Variants in MARCHF1 observed in about 807,000 individuals in gnomAD.
MARCHF1 encodes the protein membrane associated ring-CH-type finger 1.
Under a neutral mutation model 54.2 loss-of-function variants are expected in MARCHF1, and 40 were observed. The observed-to-expected ratio is 0.74, with a 90% CI of 0.57 to 0.96. The LOEUF is 0.96. Among genes scored for constraint, MARCHF1 ranks in the 40% least tolerant of loss-of-function variants. MARCHF1 has a pLI of 0.00. For synonymous variants in MARCHF1, 236 were observed against 236.3 expected, an observed-to-expected ratio of 1.00 and a Z score of 0.01; for missense variants, 586 against 656.5, an observed-to-expected ratio of 0.89 and a Z score of 1.17.
intron 1 of MARCHF1, among the ~76,000 whole-genome samples, chr4:164,369,603 G>A (rs868235065): frequency 2.0e-5 from 3 of 151,990 alleles, no homozygotes; most frequent in South Asian, 2.1e-4. Context: ...ATATACATAT[G>A]TACATATGTA....
At chr4:163,930,473 A>T (rs1215675992) in intron 3 of MARCHF1, among the ~76,000 whole-genome samples, 3 of 145,502 alleles carry the variant, frequency 2.1e-5, no homozygotes, top group Non-Finnish European at 4.5e-5. Context: ...GCCTTTGAAA[A>T]TGGTGTTTTT....
At chr4:163,719,738 T>C (rs1745383460) in intron 4 of MARCHF1, among the ~76,000 whole-genome samples, 2 of 152,206 alleles carry the variant, frequency 1.3e-5, no homozygotes, top group South Asian at 4.1e-4. Context: ...TGGGGTGAGA[T>C]GGTATCTCAT....
intron 3 of MARCHF1, among the ~76,000 whole-genome samples, chr4:163,958,635 A>C (rs1290711671): frequency 6.6e-6 from 1 of 151,988 alleles, no homozygotes; most frequent in Non-Finnish European, 1.5e-5. Context: ...GAATTTGAAC[A>C]ATTTGAAGAA....
intron 4 of MARCHF1, among the ~76,000 whole-genome samples, chr4:163,752,045 C>T (rs1443386423): frequency 1.3e-5 from 2 of 152,066 alleles, no homozygotes; most frequent in Admixed American, 1.3e-4. Context: ...AATATCTGGA[C>T]ACATGATGGA....
chr4:163,784,104 T>C (rs568477340), intron 4 of MARCHF1, among the ~76,000 whole-genome samples: 6 of 152,090 alleles, frequency 3.9e-5, no homozygotes, highest in Admixed American at 6.6e-5. Context: ...TTCTGTTTTA[T>C]GATTGATGAA....
At chr4:163,888,765 G>A (rs1350505267) in intron 3 of MARCHF1, among the ~76,000 whole-genome samples, 1 of 152,090 alleles carries the variant, frequency 6.6e-6, no homozygotes, top group Non-Finnish European at 1.5e-5. Flanking sequence ...CAACCCCTCT[G>A]AAGGTTTTTT....
chr4:163,753,839 G>A (rs1746592177), intron 4 of MARCHF1, among the ~76,000 whole-genome samples: 1 of 152,016 alleles, frequency 6.6e-6, no homozygotes, highest in Admixed American at 6.6e-5. Flanking sequence ...TATCACCTTT[G>A]GCATAAACAC....
At position 163,950,761 on chromosome 4, in the gene MARCHF1, A is replaced by G. The variant is rs1374712655; in HGVS notation, c.-39+37740T>C. On this transcript the variant is annotated intron_variant, in intron 3 of 9. Transcript: ENST00000514618. ...TGATGCTTAAATAGTATAAATGTTA[A>G]CTTAGGGAGATCAAACATACTAATT... Among the ~76,000 whole-genome samples, 13 of 152,238 alleles carry G rather than the reference A, an allele frequency of 8.5e-5. No homozygotes were observed. In the East Asian group the frequency reaches 1.5e-3, roughly 18 times the overall value.
chr4:163,829,439 C>A (rs927455122), intron 4 of MARCHF1, among the ~76,000 whole-genome samples: 1 of 152,180 alleles, frequency 6.6e-6, no homozygotes. Flanking sequence ...CTATCACTAG[C>A]ATATTTATGA....
chr4:164,248,572 A>G (rs1360547769), intron 1 of MARCHF1, among the ~76,000 whole-genome samples: 2 of 152,052 alleles, frequency 1.3e-5, no homozygotes, highest in Non-Finnish European at 2.9e-5. Flanking sequence ...CGCAACCTAA[A>G]TTTTCATATC....
chr4:163,689,710 G>C (rs1355322017), intron 5 of MARCHF1, among the ~76,000 whole-genome samples: 1 of 151,712 alleles, frequency 6.6e-6, no homozygotes, highest in East Asian at 1.9e-4. Flanking sequence ...TTGACCTTCA[G>C]GGACCAGACT....
At chr4:163,787,314 T>C (rs111676475) in intron 4 of MARCHF1, among the ~76,000 whole-genome samples, 1 of 151,392 alleles carries the variant, frequency 6.6e-6, no homozygotes, top group African/African-American at 2.4e-5. Context: ...GACAAAATAT[T>C]TGGAAAACAC....
chr4:164,189,898 T>G, intron 1 of MARCHF1: 1 of 1,584,902 alleles, frequency 6.3e-7, no homozygotes, highest in Non-Finnish European at 8.7e-7. Flanking sequence ...AATGGTATTC[T>G]TCGAGTGACA....
chr4:164,346,496 G>T (rs1730100821), intron 1 of MARCHF1, among the ~76,000 whole-genome samples: 1 of 151,484 alleles, frequency 6.6e-6, no homozygotes, highest in African/African-American at 2.4e-5. Context: ...AGACTGAAAG[G>T]CCCTGGAGGC....
chr4:163,554,259 T>G (rs543511439), intron 8 of MARCHF1, among the ~76,000 whole-genome samples: 10 of 152,340 alleles, frequency 6.6e-5, no homozygotes, highest in African/African-American at 2.4e-4. Flanking sequence ...TAGTTTACAA[T>G]GTGAGGAATA....
chr4:163,707,231 A>G (rs1225337080), intron 4 of MARCHF1, among the ~76,000 whole-genome samples: 1 of 152,110 alleles, frequency 6.6e-6, no homozygotes, highest in Non-Finnish European at 1.5e-5. Flanking sequence ...GGTATATTTG[A>G]TTATCCTCTG....
At chr4:164,068,398 A>G (rs1754777488) in intron 2 of MARCHF1, among the ~76,000 whole-genome samples, 1 of 151,918 alleles carries the variant, frequency 6.6e-6, no homozygotes, top group South Asian at 2.1e-4. Context: ...GTGTGGAGGG[A>G]GAGGCATGGG....
intron 1 of MARCHF1, among the ~76,000 whole-genome samples, chr4:164,176,970 C>CCATA (rs3059788): frequency 3.5e-4 from 20 of 57,420 alleles, no homozygotes; most frequent in Non-Finnish European, 4.3e-4. Flanking sequence ...CTCTCTCTCT[C>CCATA]TCTCTCTCTC....
chr4:164,358,142 C>T (rs1229368048), intron 1 of MARCHF1, among the ~76,000 whole-genome samples: 2 of 152,072 alleles, frequency 1.3e-5, no homozygotes, highest in Non-Finnish European at 2.9e-5. Flanking sequence ...AACTAGAGCC[C>T]AGGGTGAGTC....
Sources: gnomAD v4.1 joint callset for allele counts (sites outside exome capture counted in the v4.1 genomes callset) on GRCh38, gnomAD v4.1.1 for gene constraint, MANE v1.5 for transcripts, NCBI Gene and HGNC (gene_info 2026-07-23, HGNC 2026-07-21) for gene names.